The following NFIL3 variants were observed in gnomAD, a reference collection of about 807,000 sequenced individuals.
NFIL3 encodes nuclear factor interleukin-3-regulated protein.
Under a neutral mutation model 10.0 loss-of-function variants are expected in NFIL3, and 5 were observed. The observed-to-expected ratio is 0.50, with a 90% CI of 0.26 to 1.06. NFIL3 has a LOEUF of 1.06. Among genes scored for constraint, NFIL3 ranks in the 50% least tolerant of loss-of-function variants. The pLI, the probability that NFIL3 is intolerant of heterozygous loss-of-function variation, is 0.13. For synonymous variants in NFIL3, 202 were observed against 206.5 expected, an observed-to-expected ratio of 0.98 and a Z score of 0.19; for missense variants, 436 against 547.6, an observed-to-expected ratio of 0.80 and a Z score of 2.03.
chr9:91,461,849 C>A, the NFIL3 span, among the ~76,000 whole-genome samples: 1 of 151,986 alleles, frequency 6.6e-6, no homozygotes, highest in Non-Finnish European at 1.5e-5. Flanking sequence ...GGAAAAGGAA[C>A]CTAGAGGAAA....
chr9:91,473,418 C>T, the NFIL3 span, among the ~76,000 whole-genome samples: 2,457 of 152,356 alleles, frequency 0.016, 44 homozygotes, highest in East Asian at 0.064. Flanking sequence ...CAATGGCAGA[C>T]GCCCCTCCCC....
At chr9:91,482,043 A>G in the NFIL3 span, among the ~76,000 whole-genome samples, 2 of 152,230 alleles carry the variant, frequency 1.3e-5, no homozygotes, top group South Asian at 4.1e-4. Context: ...AGGCACTTGC[A>G]TACTTTGCCC....
chr9:91,442,674 C>A, the NFIL3 span, among the ~76,000 whole-genome samples: 3 of 152,146 alleles, frequency 2.0e-5, no homozygotes, highest in East Asian at 5.8e-4. Flanking sequence ...TGCAAGGCTG[C>A]AGCTGGACCA....
At position 91,409,396 on chromosome 9, in the gene NFIL3, G is replaced by A; in HGVS notation, c.1339C>T (p.Leu447Phe). 6.2e-7 allele frequency: 1 copy of A among 1,608,464 alleles called. No individual in the cohort carries two copies. The highest frequency in any genetic ancestry group is 8.5e-7 in the Non-Finnish European group (1 of 1,177,492). The change falls in exon 2 of 2, where the codon CTC becomes TTC. Residue 447 changes from leucine to phenylalanine, a missense_variant. Physicochemically the swap from Leu to Phe is conservative, Grantham distance 22. This residue lies in a region of NFIL3 where 338 missense variants were observed against 399.9 expected (regional missense o/e 0.85). Coordinates refer to ENST00000297689, the MANE Select transcript of NFIL3 (RefSeq NM_005384.3). ...GGTTGTGTGGCTATAAGTCTCTTGA[G>A]TGAGACAACCTCTGCAGATAAGTTT... ...IANLSAEVVSLKRLIATQPIS... is the reference protein window; with the variant it reads ...IANLSAEVVSFKRLIATQPIS...
the NFIL3 span, among the ~76,000 whole-genome samples, chr9:91,460,461 G>C: frequency 6.6e-6 from 1 of 151,644 alleles, no homozygotes; most frequent in African/African-American, 2.4e-5. Flanking sequence ...TGTTTTAGTA[G>C]AGATGGGGTT....
At chr9:91,476,118 A>C in the NFIL3 span, among the ~76,000 whole-genome samples, 15 of 152,236 alleles carry the variant, frequency 9.9e-5, no homozygotes, top group Admixed American at 9.8e-4. Flanking sequence ...ATGTTTGAGC[A>C]TGGAAGATAA....
Position 91,409,507 on chromosome 9 carries a change from T to G in NFIL3, c.1228A>C (p.Ser410Arg), listed in dbSNP as rs1342995471. 2 of 1,613,960 alleles carry G rather than the reference T, an allele frequency of 1.2e-6. No homozygotes were observed. Among genetic ancestry groups the G allele is most frequent in the East Asian group, 2.2e-5 (1 of 44,888 alleles). The change falls in exon 2 of 2, where the codon AGT (serine) becomes CGT (arginine). Residue 410 changes from serine to arginine, a missense_variant. Around this residue, in one of 3 missense-constraint regions of NFIL3, gnomAD observed 338 missense variants for 399.9 expected, o/e 0.85. Transcript: ENST00000297689. ...ATTTCAACAACTCCAGTTTTGAAAC[T>G]ATTCTGAGTTTTGCCACTCAGTTCT... ...QKELSGKTQN[S>R]FKTGVVEMKD...
At chr9:91,430,901 C>T in the NFIL3 span, among the ~76,000 whole-genome samples, 1 of 152,234 alleles carries the variant, frequency 6.6e-6, no homozygotes, top group African/African-American at 2.4e-5. Context: ...CTACCTCAGC[C>T]TCCCAAGTGC....
chr9:91,482,362 T>C, the NFIL3 span, among the ~76,000 whole-genome samples: 1 of 151,864 alleles, frequency 6.6e-6, no homozygotes, highest in Non-Finnish European at 1.5e-5. Context: ...GTGGTGAAAG[T>C]TATGGCAAAG....
chr9:91,442,911 G>A, the NFIL3 span, among the ~76,000 whole-genome samples: 1 of 152,148 alleles, frequency 6.6e-6, no homozygotes, highest in African/African-American at 2.4e-5. Flanking sequence ...CCCTGTTTGT[G>A]TTACAGCACT....
At chr9:91,434,678 C>CT in the NFIL3 span, among the ~76,000 whole-genome samples, 1 of 152,168 alleles carries the variant, frequency 6.6e-6, no homozygotes, top group Non-Finnish European at 1.5e-5. Flanking sequence ...GTTTAACATT[C>CT]TTAATATGTT....
At chr9:91,481,404 T>C in the NFIL3 span, among the ~76,000 whole-genome samples, 1 of 152,206 alleles carries the variant, frequency 6.6e-6, no homozygotes, top group Non-Finnish European at 1.5e-5. Context: ...ACCTTATTTT[T>C]CACATCAAAA....
chr9:91,465,485 G>GT, the NFIL3 span, among the ~76,000 whole-genome samples: 2,041 of 150,418 alleles, frequency 0.014, 14 homozygotes, highest in Middle Eastern at 0.021. Context: ...TATTATCCAT[G>GT]TTTTTTTTTG....
At chr9:91,463,918 T>G in the NFIL3 span, among the ~76,000 whole-genome samples, 1 of 152,188 alleles carries the variant, frequency 6.6e-6, no homozygotes, top group Non-Finnish European at 1.5e-5. Context: ...AATGTCCCTC[T>G]TTATCCCTGA....
the NFIL3 span, among the ~76,000 whole-genome samples, chr9:91,457,420 G>C: frequency 6.6e-6 from 1 of 151,912 alleles, no homozygotes; most frequent in South Asian, 2.1e-4. Flanking sequence ...CTTTCTCTCA[G>C]CAATATCTTA....
At chr9:91,429,718 G>A in the NFIL3 span, among the ~76,000 whole-genome samples, 1 of 152,136 alleles carries the variant, frequency 6.6e-6, no homozygotes, top group Admixed American at 6.5e-5. Flanking sequence ...AGCTGCTGCT[G>A]TGTGATGCTG....
the NFIL3 span, among the ~76,000 whole-genome samples, chr9:91,440,278 C>A: frequency 1.3e-5 from 2 of 152,044 alleles, no homozygotes; most frequent in Non-Finnish European, 2.9e-5. Flanking sequence ...ACTCTTAAGT[C>A]ATCCAATTTG....
chr9:91,420,880 T>C (rs907447713), intron 1 of NFIL3, among the ~76,000 whole-genome samples: 2 of 152,054 alleles, frequency 1.3e-5, no homozygotes, highest in African/African-American at 4.8e-5. Flanking sequence ...CTCTCTCCTC[T>C]AGCCTTTGAC....
chr9:91,451,394 C>G, the NFIL3 span, among the ~76,000 whole-genome samples: 1 of 152,200 alleles, frequency 6.6e-6, no homozygotes, highest in African/African-American at 2.4e-5. Context: ...TATACCCTTC[C>G]ATGTGTTTTG....
Sources: gnomAD v4.1 joint callset for allele counts (sites outside exome capture counted in the v4.1 genomes callset) on GRCh38, gnomAD v4.1.1 for gene constraint, gnomAD v4.1.1 regional missense constraint, MANE v1.5 for transcripts, NCBI Gene and HGNC (gene_info 2026-07-23, HGNC 2026-07-21) for gene names.